The following UNC13C variants were observed in gnomAD, a reference collection of about 807,000 sequenced individuals.
UNC13C encodes the protein unc-13 homolog C, also known as protein unc-13 homolog C.
UNC13C carries 174 observed loss-of-function variants against 245.4 expected under a neutral mutation model. The ratio of observed to expected loss-of-function variants is 0.71; its 90% CI spans 0.63 to 0.80. The LOEUF (loss-of-function observed/expected upper bound fraction) is 0.80. Ranked by LOEUF, UNC13C falls within the 30% of genes least tolerant of loss-of-function variation. The probability of loss-of-function intolerance (pLI) is 0.00; values close to 1 mark genes in which losing one functional copy is unlikely to be tolerated. For missense variants in UNC13C, 2,829 were observed against 2,602.9 expected, an observed-to-expected ratio of 1.09 and a Z score of -1.89; for synonymous variants, 992 against 895.1, an observed-to-expected ratio of 1.11 and a Z score of -1.93.
In UNC13C at chr15:54,515,278, C is replaced by T. The variant is rs1225616465; in HGVS notation, c.5457+3448C>T. ...ACAAGTTAATTTGCACTACAATCCC[C>T]ATATAATATTATCTGTCCCTTTATA... On this transcript the variant is annotated intron_variant, in intron 24 of 32. Coordinates refer to ENST00000260323, the MANE Select transcript of UNC13C (RefSeq NM_001080534.3). 2.0e-5 allele frequency among the ~76,000 whole-genome samples: 3 copies of T among 152,220 alleles called. No homozygotes were observed. The East Asian group carries it at 5.8e-4, about 29-fold the overall frequency.
intron 7 of UNC13C, among the ~76,000 whole-genome samples, chr15:54,248,326 A>AAC (rs1220683842): frequency 2.0e-5 from 3 of 152,080 alleles, no homozygotes; most frequent in African/African-American, 4.8e-5. Context: ...TACGCACACA[A>AAC]ACACACACAC....
chr15:54,201,499 G>T (rs1417342374), intron 4 of UNC13C, among the ~76,000 whole-genome samples: 2 of 151,876 alleles, frequency 1.3e-5, no homozygotes, highest in African/African-American at 4.8e-5. Context: ...GGAATGCAGG[G>T]ATGGTTTAAC....
At chr15:54,577,320 G>T (rs1440192975) in intron 30 of UNC13C, among the ~76,000 whole-genome samples, 1 of 152,178 alleles carries the variant, frequency 6.6e-6, no homozygotes, top group Non-Finnish European at 1.5e-5. Flanking sequence ...GTCACTGAAA[G>T]ATCCATTTAT....
chr15:54,497,543 C>G (rs918991753), intron 20 of UNC13C, among the ~76,000 whole-genome samples: 2 of 151,906 alleles, frequency 1.3e-5, no homozygotes, highest in African/African-American at 4.8e-5. Flanking sequence ...GCCTAATTTA[C>G]CTATGTGTTG....
intron 2 of UNC13C, among the ~76,000 whole-genome samples, chr15:54,085,553 A>C (rs1899192085): frequency 6.6e-6 from 1 of 152,178 alleles, no homozygotes; most frequent in African/African-American, 2.4e-5. Context: ...TCTTCTCTTG[A>C]AGAAGATACA....
intron 17 of UNC13C, among the ~76,000 whole-genome samples, chr15:54,391,105 T>G (rs2039946580): frequency 6.6e-6 from 1 of 152,108 alleles, no homozygotes; most frequent in Admixed American, 6.6e-5. Context: ...CTCTCCTCCT[T>G]TCCATGTCAC....
chr15:54,469,058 C>T lies in UNC13C; in HGVS notation c.4934-25550C>T, dbSNP rs193193675. Among the ~76,000 whole-genome samples, 17 of 151,508 alleles carry T rather than the reference C, an allele frequency of 1.1e-4. 1 individual carries two copies. In the East Asian group the frequency reaches 3.1e-3, roughly 28 times the overall value. ...GACATTTTAACAATATTAATTATTC[C>T]AATCCATGAGTAAGGGATGTCTATT... On this transcript the variant is annotated intron_variant, in intron 19 of 32. Coordinates refer to ENST00000260323, the MANE Select transcript of UNC13C (RefSeq NM_001080534.3).
chr15:53,869,679 G>GA, the UNC13C span, among the ~76,000 whole-genome samples: 15 of 152,180 alleles, frequency 9.9e-5, no homozygotes, highest in Non-Finnish European at 1.9e-4. Context: ...CTAAGGGTCT[G>GA]AGCCCCTCAC....
chr15:54,181,768 T>C (rs547316146), intron 4 of UNC13C, among the ~76,000 whole-genome samples: 2 of 152,004 alleles, frequency 1.3e-5, no homozygotes, highest in South Asian at 2.1e-4. Context: ...TTTACCTTTT[T>C]GGTTTAAAAA....
rs373371231 is a variant in UNC13C, at chr15:54,117,722, C to T, written c.2984-25296C>T. The stretch of plus-strand genomic sequence containing the variant: ...CTGCCTCCTGAGTACTTGGGGCTAC[C>T]GGCACATGCCACTAGTGCAGCTATT... On this transcript the variant is annotated intron_variant, in intron 2 of 32. Transcript: ENST00000260323. Among the ~76,000 whole-genome samples, 9 of 151,986 alleles carry T rather than the reference C, an allele frequency of 5.9e-5. No individual in the cohort carries two copies. The Middle Eastern group carries it at 0.01, about 172-fold the overall frequency.
At chr15:54,019,472 T>C (rs1208415126) in intron 2 of UNC13C, among the ~76,000 whole-genome samples, 2 of 152,230 alleles carry the variant, frequency 1.3e-5, no homozygotes, top group African/African-American at 4.8e-5. Flanking sequence ...GTTCATTTTA[T>C]AAATCAAGAT....
chr15:54,270,687 C>A (rs778452404), intron 10 of UNC13C, among the ~76,000 whole-genome samples: 4 of 151,926 alleles, frequency 2.6e-5, no homozygotes, highest in Admixed American at 6.6e-5. Flanking sequence ...AAAAATTCTA[C>A]TAAAATAAGA....
In UNC13C at chr15:54,275,424, GTAT is replaced by G. The variant is rs1295926587; in HGVS notation, c.3818+9933_3818+9935del. Among the ~76,000 whole-genome samples the G allele has an allele frequency of 2.6e-5, 4 of 151,836 alleles. 1 individual carries two copies. The highest frequency in any genetic ancestry group is 6.3e-3 in the Middle Eastern group (2 of 316). Reference sequence around the variant, plus strand: ...ATAATAGTATGTTCTTTGTCCCCTAGTATTATTTTTTTCTGCCCTTTTTTGAAC... The same window carrying G: ...ATAATAGTATGTTCTTTGTCCCCTAGTATTTTTTTCTGCCCTTTTTTGAAC... On this transcript the variant is annotated intron_variant, in intron 10 of 32. Coordinates refer to ENST00000260323, the MANE Select transcript of UNC13C (RefSeq NM_001080534.3).
the UNC13C span, among the ~76,000 whole-genome samples, chr15:53,932,633 A>T: frequency 1.1e-4 from 16 of 152,102 alleles, no homozygotes; most frequent in Admixed American, 1.0e-3. Flanking sequence ...TTACCACTCT[A>T]ACCCTTTCTT....
At chr15:54,367,066 A>C (rs138577300) in intron 17 of UNC13C, among the ~76,000 whole-genome samples, 191 of 152,316 alleles carry the variant, frequency 1.3e-3, no homozygotes, top group African/African-American at 4.4e-3. Flanking sequence ...AGGCAGATTA[A>C]TGACATGACA....
chr15:54,474,360 A>G (rs1479897277), intron 19 of UNC13C, among the ~76,000 whole-genome samples: 1 of 151,896 alleles, frequency 6.6e-6, no homozygotes, highest in African/African-American at 2.4e-5. Flanking sequence ...TTCTGATAAT[A>G]GCCATTCTAA....
chr15:54,086,999 GC>G (rs1195559517), intron 2 of UNC13C, among the ~76,000 whole-genome samples: 1 of 151,900 alleles, frequency 6.6e-6, no homozygotes, highest in African/African-American at 2.4e-5. Flanking sequence ...CTCCCAAAGT[GC>G]TGGGATTACA....
intron 4 of UNC13C, among the ~76,000 whole-genome samples, chr15:54,144,021 T>A (rs778918298): frequency 1.8e-4 from 28 of 152,328 alleles, no homozygotes; most frequent in Non-Finnish European, 3.8e-4. Context: ...TCTCTTTCAA[T>A]GTGCTTGTTT....
chr15:54,551,642 G>A (rs553647357), intron 28 of UNC13C, among the ~76,000 whole-genome samples: 1 of 151,914 alleles, frequency 6.6e-6, no homozygotes, highest in Non-Finnish European at 1.5e-5. Context: ...TAAATACAAT[G>A]ACCTAACAGG....
Sources: allele counts gnomAD v4.1 joint callset (sites outside exome capture counted in the v4.1 genomes callset), GRCh38; gene constraint gnomAD v4.1.1; transcripts MANE v1.5; gene names NCBI Gene and HGNC (gene_info 2026-07-23, HGNC 2026-07-21).